The following CNTN6 variants were observed in gnomAD, a reference collection of about 807,000 sequenced individuals.
The protein encoded by CNTN6 is contactin 6.
A neutral mutation model predicts 122.8 loss-of-function variants in CNTN6; 137 were observed. The observed-to-expected ratio is 1.12, with a 90% confidence interval of 0.97 to 1.29. The LOEUF (loss-of-function observed/expected upper bound fraction) is 1.29. Among genes scored for constraint, CNTN6 ranks in the 50% most tolerant of loss-of-function variants. The probability of loss-of-function intolerance (pLI) is 0.00; values close to 1 mark genes in which losing one functional copy is unlikely to be tolerated. For missense variants in CNTN6, 1,634 were observed against 1,223.4 expected (o/e 1.34, Z -5.01); for synonymous variants, 570 against 426.0 (o/e 1.34, Z -4.16).
chr3:1,145,566 GAA>G (rs1424271761), intron 1 of CNTN6, among the ~76,000 whole-genome samples: 11 of 152,032 alleles, frequency 7.2e-5, no homozygotes, highest in African/African-American at 2.7e-4. Flanking sequence ...GCTTTTTTGA[GAA>G]AAAGAGTCTA....
chr3:1,095,407 C>CTT (rs1384027227), intron 1 of CNTN6, among the ~76,000 whole-genome samples: 2 of 152,052 alleles, frequency 1.3e-5, no homozygotes, highest in Non-Finnish European at 2.9e-5. Context: ...GGAGGCGGAG[C>CTT]TTGCAGTGAG....
intron 2 of CNTN6, among the ~76,000 whole-genome samples, chr3:1,171,260 T>C (rs17034704): frequency 0.082 from 12,529 of 152,234 alleles, 798 homozygotes; most frequent in East Asian, 0.31. Flanking sequence ...ATTTTGACCA[T>C]AGATCAAACT....
chr3:1,299,637 A>T (rs1417949030), intron 7 of CNTN6, among the ~76,000 whole-genome samples: 2 of 152,310 alleles, frequency 1.3e-5, no homozygotes, highest in Admixed American at 6.5e-5. Context: ...TAACCTGTTC[A>T]ATCTTATGTT....
chr3:1,120,332 G>C (rs140857520), intron 1 of CNTN6, among the ~76,000 whole-genome samples: 3 of 151,846 alleles, frequency 2.0e-5, no homozygotes, highest in South Asian at 4.1e-4. Flanking sequence ...TATACGAAAG[G>C]TTTAGCTGTT....
chr3:1,156,335 T>A (rs972089713), intron 2 of CNTN6, among the ~76,000 whole-genome samples: 1 of 152,228 alleles, frequency 6.6e-6, no homozygotes, highest in Non-Finnish European at 1.5e-5. Flanking sequence ...AAGAATTTTG[T>A]CATTTCCACA....
chr3:1,309,933 G>A (rs1698968755), intron 7 of CNTN6, among the ~76,000 whole-genome samples: 2 of 152,074 alleles, frequency 1.3e-5, no homozygotes, highest in South Asian at 4.1e-4. Flanking sequence ...AATTCCATTT[G>A]TTAACTACTG....
chr3:1,182,174 G>A (rs1004203934), intron 2 of CNTN6, among the ~76,000 whole-genome samples: 24 of 152,056 alleles, frequency 1.6e-4, no homozygotes, highest in Non-Finnish European at 2.9e-4. Flanking sequence ...TTCAGGAATT[G>A]TGGAAGAATC....
chr3:1,268,864 C>G (rs962365881), intron 4 of CNTN6, among the ~76,000 whole-genome samples: 2 of 151,912 alleles, frequency 1.3e-5, no homozygotes, highest in Non-Finnish European at 2.9e-5. Flanking sequence ...ACCTGTAATC[C>G]TAGCTACTCA....
intron 2 of CNTN6, among the ~76,000 whole-genome samples, chr3:1,155,152 G>A (rs2092934981): frequency 2.0e-5 from 3 of 152,176 alleles, no homozygotes; most frequent in South Asian, 2.1e-4. Context: ...CAATGAGCTC[G>A]TCGCTATCTG....
intron 9 of CNTN6, among the ~76,000 whole-genome samples, chr3:1,326,814 C>T (rs899767040): frequency 6.6e-6 from 1 of 151,894 alleles, no homozygotes; most frequent in African/African-American, 2.4e-5. Flanking sequence ...TTCCTCCAGC[C>T]TATTTTCCTT....
At chr3:1,101,490 G>A (rs900333779) in intron 1 of CNTN6, among the ~76,000 whole-genome samples, 1 of 152,248 alleles carries the variant, frequency 6.6e-6, no homozygotes, top group African/African-American at 2.4e-5. Flanking sequence ...CATGTTGGCT[G>A]GACTTGTTCC....
At chr3:1,173,399 C>A (rs13077503) in intron 2 of CNTN6, 150,140 of 400,154 alleles carry the variant, frequency 0.38, 30,092 homozygotes, top group East Asian at 0.68. Flanking sequence ...AAGTGCTTTA[C>A]GTGAATTATT....
At chr3:1,313,780 G>A (rs1699727508) in intron 7 of CNTN6, among the ~76,000 whole-genome samples, 1 of 152,036 alleles carries the variant, frequency 6.6e-6, no homozygotes, top group Non-Finnish European at 1.5e-5. Flanking sequence ...GAAATTTGTT[G>A]TTCACAAGTT....
At chr3:1,200,150 C>G (rs1440494578) in intron 2 of CNTN6, among the ~76,000 whole-genome samples, 1 of 152,182 alleles carries the variant, frequency 6.6e-6, no homozygotes, top group East Asian at 1.9e-4. Context: ...TCTCCTGCTT[C>G]AGTCTCATGA....
At chr3:1,098,789 CATATATATATATATATAT>C (rs1169127167) in intron 1 of CNTN6, among the ~76,000 whole-genome samples, 2 of 63,250 alleles carry the variant, frequency 3.2e-5, no homozygotes, top group African/African-American at 7.4e-5. Flanking sequence ...CACACACACA[CATATATATATATATATAT>C]ATATATATAT....
intron 1 of CNTN6, among the ~76,000 whole-genome samples, chr3:1,119,370 C>G (rs2091865668): frequency 3.6e-5 from 1 of 27,970 alleles, no homozygotes; most frequent in African/African-American, 1.6e-4. Context: ...GTCTCTTTGG[C>G]CCAGATAAAC....
At chr3:1,139,502 C>G (rs962810960) in intron 1 of CNTN6, among the ~76,000 whole-genome samples, 1 of 152,062 alleles carries the variant, frequency 6.6e-6, no homozygotes, top group Non-Finnish European at 1.5e-5. Flanking sequence ...TAATCTCTAC[C>G]CACATTTAAT....
Position 1,403,517 on chromosome 3 carries a change from T to A in CNTN6, c.*99T>A, listed in dbSNP as rs1436353720. On this transcript the variant is annotated 3_prime_UTR_variant, in exon 23 of 23. Transcript: ENST00000446702. ...ACAAGATGCGTTCTTAATACAGACTTGTTTGCAAAGAAAAAAAAAAGTATA... is the reference window on the plus strand; with the variant it reads ...ACAAGATGCGTTCTTAATACAGACTAGTTTGCAAAGAAAAAAAAAAGTATA... The A allele has an allele frequency of 5.1e-6, 3 of 591,248 alleles. No individual in the cohort carries two copies. Among genetic ancestry groups the A allele is most frequent in the Non-Finnish European group, 5.7e-6 (2 of 348,522 alleles). 36.6% of individuals were successfully genotyped at this position (591,248 alleles called of 1,614,324 possible).
intron 4 of CNTN6, among the ~76,000 whole-genome samples, chr3:1,274,469 A>G (rs916892535): frequency 1.3e-5 from 2 of 152,200 alleles, no homozygotes; most frequent in African/African-American, 4.8e-5. Context: ...AGTAGAGTTT[A>G]TCTTAATACT....
Sources: allele counts gnomAD v4.1 joint callset (sites outside exome capture counted in the v4.1 genomes callset), GRCh38; gene constraint gnomAD v4.1.1; transcripts MANE v1.5; gene names NCBI Gene and HGNC (gene_info 2026-07-23, HGNC 2026-07-21).